Variants in CRAMP1 observed in about 807,000 individuals in gnomAD.
CRAMP1 encodes protein cramped-like.
Under a neutral mutation model 115.4 loss-of-function variants are expected in CRAMP1, and 50 were observed. The observed-to-expected ratio is 0.43, with a 90% CI of 0.35 to 0.55. The LOEUF is 0.55. Among genes scored for constraint, CRAMP1 ranks in the 20% least tolerant of loss-of-function variants. CRAMP1 has a pLI of 0.01. For synonymous variants in CRAMP1, 866 were observed against 745.4 expected (o/e 1.16, Z -2.64); for missense variants, 1,679 against 1,721.7 (o/e 0.98, Z 0.44).
Position 1,656,452 on chromosome 16 carries a change from A to G in CRAMP1, c.1695A>G (p.Leu565=). ...TTCTAGACCCCTTGCCCCGCTACCT[A>G]AAGTCCTGTCAGGACCTCATTGTCC... ...LSLLDPLPRY[L]KSCQDLIVPE... The change falls in exon 10 of 21, where the codon CTA becomes CTG. Residue 565 remains leucine, a synonymous_variant. Coordinates refer to ENST00000397412, the MANE Select transcript of CRAMP1 (RefSeq NM_020825.4). The surrounding 1 kb of genome is among the most constrained non-coding windows in gnomAD (Gnocchi z 5.6). The G allele has an allele frequency of 6.3e-7, 1 of 1,582,988 alleles. No individual in the cohort carries two copies. Among genetic ancestry groups the G allele is most frequent in the East Asian group, 2.3e-5 (1 of 42,900 alleles).
At chr16:1,670,532 G>C in intron 19 of CRAMP1, 132 bp from the exon 20 acceptor site, 2 of 931,932 alleles carry the variant, frequency 2.1e-6, no homozygotes, top group Non-Finnish European at 3.3e-6. Context: ...GAAGCTCTTC[G>C]CACAAGTCTG....
At chr16:1,638,681 C>G (rs1402074503) in intron 5 of CRAMP1, among the ~76,000 whole-genome samples, 1 of 152,112 alleles carries the variant, frequency 6.6e-6, no homozygotes, top group Non-Finnish European at 1.5e-5. Context: ...GGGATCCCCC[C>G]CTCTTCAGTG....
At position 1,632,111 on chromosome 16, in the gene CRAMP1, G is replaced by C. The variant is rs1375597399; in HGVS notation, c.541-101G>C. 1.3e-5 allele frequency: 17 copies of C among 1,281,754 alleles called. 1 individual carries two copies. The South Asian group carries it at 2.4e-4, about 18-fold the overall frequency. The allele number at this position is 1,281,754 out of a possible 1,614,324, so 79.4% of individuals were successfully genotyped here. On this transcript the variant is annotated intron_variant, in intron 3 of 20. Transcript: ENST00000397412. ...AGGGCTGCTTGTTTGACTACAGCCT[G>C]TCTCCTTTCTCCTTTCTCGGAACCT...
chr16:1,631,952 T>C lies in CRAMP1; in HGVS notation c.541-260T>C, dbSNP rs570181102. Among the ~76,000 whole-genome samples the C allele has an allele frequency of 1.2e-3, 186 of 152,328 alleles. 1 individual carries two copies. Among genetic ancestry groups the C allele is most frequent in the African/African-American group, 4.3e-3 (179 of 41,574 alleles). On this transcript the variant is annotated intron_variant, in intron 3 of 20. Coordinates refer to ENST00000397412, the MANE Select transcript of CRAMP1 (RefSeq NM_020825.4). ...AGTGATGAGCTTTATGTTTCTCCTG[T>C]CTGGGGTGCTTGCCTCTTTGGTATC...
At chr16:1,638,191 C>T (rs1477586286) in intron 5 of CRAMP1, among the ~76,000 whole-genome samples, 1 of 152,214 alleles carries the variant, frequency 6.6e-6, no homozygotes, top group Admixed American at 6.5e-5. Flanking sequence ...TGTCACGCCA[C>T]AGCCCAGAAT....
At position 1,659,921 on chromosome 16, in the gene CRAMP1, A is replaced by G. The variant is rs747950229; in HGVS notation, c.2271A>G (p.Val757=). 27 of 1,613,146 alleles carry G rather than the reference A, an allele frequency of 1.7e-5. No homozygotes were observed. The highest frequency in any genetic ancestry group is 1.9e-5 in the Non-Finnish European group (22 of 1,179,856). ...LEANTISTAS[V]RPAQEEQSMT... ...CAAACACCATCTCTACAGCCTCAGT[A>G]AGGCCCGCCCAGGAGGAGCAGTCGA... Residue 757 remains valine, a synonymous_variant, in exon 11 of 21, where the codon GTA becomes GTG. Coordinates refer to ENST00000397412, the MANE Select transcript of CRAMP1 (RefSeq NM_020825.4).
chr16:1,622,924 G>A lies in CRAMP1; in HGVS notation c.347-3049G>A, dbSNP rs562359047. 1.6e-4 allele frequency among the ~76,000 whole-genome samples: 24 copies of A among 152,084 alleles called. No homozygotes were observed. The South Asian group carries it at 5.0e-3, about 32-fold the overall frequency. ...CTACTGGTGCACGCCACCACATGGGGCTAATTTTGTATATTTAGTAGAGAC... is the reference window on the plus strand; with the variant it reads ...CTACTGGTGCACGCCACCACATGGGACTAATTTTGTATATTTAGTAGAGAC... On this transcript the variant is annotated intron_variant, in intron 2 of 20. Coordinates refer to ENST00000397412, the MANE Select transcript of CRAMP1 (RefSeq NM_020825.4).
chr16:1,617,755 C>G (rs1453570040), intron 2 of CRAMP1, among the ~76,000 whole-genome samples: 3 of 152,172 alleles, frequency 2.0e-5, no homozygotes, highest in Non-Finnish European at 4.4e-5. Context: ...TGTTTTCTTT[C>G]TCTGAAGAAG....
chr16:1,675,961 C>G lies in CRAMP1; in HGVS notation c.*1916C>G, dbSNP rs1249976223. The G allele has an allele frequency of 1.3e-5, 2 of 152,236 alleles. No homozygotes were observed. The highest frequency in any genetic ancestry group is 1.5e-5 in the Non-Finnish European group (1 of 68,050). 9.4% of individuals were successfully genotyped at this position (152,236 alleles called of 1,614,324 possible). A position where few individuals can be genotyped will look rare whatever the true frequency, so the allele number is the denominator to read the frequency against. On this transcript the variant is annotated 3_prime_UTR_variant, in exon 21 of 21. Coordinates refer to ENST00000397412, the MANE Select transcript of CRAMP1 (RefSeq NM_020825.4). ...AGCCAGAGAAGACAAGGAGATCTCC[C>G]TCTGGGCATCTGGCTTTGCTGCGTC...
At chr16:1,658,832 G>A (rs2036798761) in intron 10 of CRAMP1, among the ~76,000 whole-genome samples, 1 of 152,206 alleles carries the variant, frequency 6.6e-6, no homozygotes, top group Admixed American at 6.5e-5. Flanking sequence ...CTGAGAGCAC[G>A]GGGTGGAGGG....
At chr16:1,632,434 T>G in intron 4 of CRAMP1, 69 bp downstream of exon 4, 1 of 1,459,514 alleles carries the variant, frequency 6.9e-7, no homozygotes, top group South Asian at 1.3e-5. Flanking sequence ...GAGCGCAGCT[T>G]CCAGCAAGCC....
chr16:1,632,898 C>T (rs1320267944), intron 4 of CRAMP1, among the ~76,000 whole-genome samples: 1 of 152,212 alleles, frequency 6.6e-6, no homozygotes, highest in Non-Finnish European at 1.5e-5. Flanking sequence ...CTACTGGTGG[C>T]TTCTCCGGAT....
At chr16:1,624,118 G>T (rs1320135342) in intron 2 of CRAMP1, among the ~76,000 whole-genome samples, 2 of 151,914 alleles carry the variant, frequency 1.3e-5, no homozygotes, top group Non-Finnish European at 2.9e-5. Context: ...TGGGGCTGGC[G>T]TGACTGAGAG....
Position 1,656,733 on chromosome 16 carries a change from G to A in CRAMP1, c.1976G>A (p.Arg659Lys), listed in dbSNP as rs1409117106. ...PPPSQGQPAA[R>K]PPKEVPASRL... ...CCGTCTCAGGGACAGCCTGCCGCCAGGCCCCCGAAGGAGGTCCCCGCCAGC... is the reference window on the plus strand; with the variant it reads ...CCGTCTCAGGGACAGCCTGCCGCCAAGCCCCCGAAGGAGGTCCCCGCCAGC... Residue 659 changes from arginine (R) to lysine (K), a missense_variant, in exon 10 of 21, where the codon AGG (arginine) becomes AAG (lysine). This residue lies in a region of CRAMP1 where 405 missense variants were observed against 302.6 expected (regional missense o/e 1.34). Transcript: ENST00000397412. This position sits in a 1 kb window ranked among gnomAD's most constrained non-coding sequence, Gnocchi z 5.6. 1 of 1,550,680 alleles carries A rather than the reference G, an allele frequency of 6.4e-7. No homozygotes were observed.
intron 6 of CRAMP1, among the ~76,000 whole-genome samples, chr16:1,647,905 G>A (rs182349176): frequency 3.3e-4 from 50 of 152,076 alleles, no homozygotes; most frequent in African/African-American, 1.2e-3. Flanking sequence ...CTTCCAGGCT[G>A]GTGCGAGGAT....
chr16:1,655,870 C>T lies in CRAMP1; in HGVS notation c.1120-7C>T, dbSNP rs2036766891. ...GCCAGTGTGGGCCTTCCTTGACGGG[C>T]ACTCAGCGGAAGACACTCGAGGAGC... is the stretch of plus-strand genomic sequence containing the variant. On this transcript the variant is annotated splice_region_variant and splice_polypyrimidine_tract_variant and intron_variant, in intron 9 of 20. Coordinates refer to ENST00000397412, the MANE Select transcript of CRAMP1 (RefSeq NM_020825.4). 2 of 1,599,834 alleles carry T rather than the reference C, an allele frequency of 1.3e-6. No homozygotes were observed. Among genetic ancestry groups the T allele is most frequent in the African/African-American group, 2.7e-5 (2 of 74,904 alleles).
chr16:1,656,422 C>G lies in CRAMP1; in HGVS notation c.1665C>G (p.Leu555=). 1 of 1,588,014 alleles carries G rather than the reference C, an allele frequency of 6.3e-7. No individual in the cohort carries two copies. Among genetic ancestry groups the G allele is most frequent in the African/African-American group, 1.3e-5 (1 of 74,292 alleles). ...CGQLPDLEDE[L]SLLDPLPRYL... is the part of the protein sequence containing the mutation. ...AGCTCCCAGACCTGGAGGACGAGCTCTCGCTTCTAGACCCCTTGCCCCGCT... is the reference window on the plus strand; with the variant it reads ...AGCTCCCAGACCTGGAGGACGAGCTGTCGCTTCTAGACCCCTTGCCCCGCT... Residue 555 remains leucine (L), a synonymous_variant, in exon 10 of 21, where the codon CTC becomes CTG. Coordinates refer to ENST00000397412, the MANE Select transcript of CRAMP1 (RefSeq NM_020825.4). The surrounding 1 kb of genome is among the most constrained non-coding windows in gnomAD (Gnocchi z 5.6).
intron 8 of CRAMP1, among the ~76,000 whole-genome samples, chr16:1,653,828 AAAAAAAAAACAAAC>A (rs1399413940): frequency 4.1e-5 from 6 of 147,764 alleles, no homozygotes; most frequent in African/African-American, 1.5e-4. Context: ...CTCAAAAAAA[AAAAAAAAAACAAAC>A]AAAAAAGAAA....
intron 11 of CRAMP1, among the ~76,000 whole-genome samples, 183 bp downstream of exon 11, chr16:1,660,246 G>C (rs1356036464): frequency 6.6e-6 from 1 of 152,246 alleles, no homozygotes; most frequent in Non-Finnish European, 1.5e-5. Flanking sequence ...GGAGGGTGAT[G>C]CCAGGGCTTG....
Sources: gnomAD v4.1 joint callset for allele counts (sites outside exome capture counted in the v4.1 genomes callset) on GRCh38, gnomAD v4.1.1 for gene constraint, gnomAD v4.1.1 regional missense constraint, Gnocchi (gnomAD v3.1) non-coding constraint, MANE v1.5 for transcripts, NCBI Gene and HGNC (gene_info 2026-07-23, HGNC 2026-07-21) for gene names.